The following MACROD2 variants were observed in gnomAD, a reference collection of about 807,000 sequenced individuals.
MACROD2 encodes mono-ADP ribosylhydrolase 2.
Under a neutral mutation model 70.4 loss-of-function variants are expected in MACROD2, and 36 were observed. The observed-to-expected ratio is 0.51, with a 90% CI of 0.39 to 0.68. The LOEUF (loss-of-function observed/expected upper bound fraction) is 0.68, where lower values mean the gene tolerates loss of function less well. Ranked by LOEUF, MACROD2 falls within the 30% of genes least tolerant of loss-of-function variation. The pLI, the probability that MACROD2 is intolerant of heterozygous loss-of-function variation, is 0.00. For synonymous variants in MACROD2, 172 were observed against 178.8 expected, an observed-to-expected ratio of 0.96 and a Z score of 0.30; for missense variants, 496 against 538.4, an observed-to-expected ratio of 0.92 and a Z score of 0.78.
chr20:14,709,200 G>T (rs1367727070), intron 5 of MACROD2, among the ~76,000 whole-genome samples: 1 of 151,076 alleles, frequency 6.6e-6, no homozygotes, highest in East Asian at 1.9e-4. Context: ...ATTTCTTTAG[G>T]TTTTTTATAT....
At chr20:15,246,517 T>A (rs1326216532) in intron 6 of MACROD2, among the ~76,000 whole-genome samples, 1 of 152,054 alleles carries the variant, frequency 6.6e-6, no homozygotes, top group East Asian at 1.9e-4. Context: ...TATTTTTTTT[T>A]ATTAGTGAAA....
At chr20:15,868,880 G>A (rs2064533035) in intron 9 of MACROD2, among the ~76,000 whole-genome samples, 1 of 151,858 alleles carries the variant, frequency 6.6e-6, no homozygotes, top group Non-Finnish European at 1.5e-5. Flanking sequence ...AACTTCTGGG[G>A]CTCAAGGGAT....
chr20:14,456,824 T>C (rs964807888), intron 3 of MACROD2, among the ~76,000 whole-genome samples: 4 of 150,316 alleles, frequency 2.7e-5, no homozygotes, highest in Non-Finnish European at 5.9e-5. Flanking sequence ...TCACGCCATT[T>C]TCCTGCCTCA....
intron 16 of MACROD2, among the ~76,000 whole-genome samples, chr20:16,043,348 T>C (rs746775167): frequency 6.6e-6 from 1 of 152,056 alleles, no homozygotes; most frequent in Non-Finnish European, 1.5e-5. Context: ...TCTGAGTCAA[T>C]TGCTGCAGAG....
chr20:14,463,810 G>C lies in MACROD2; in HGVS notation c.272-29669G>C, dbSNP rs1321893405. ...AGATAATCATGTGGTTTTTGTCTTT[G>C]GTTCTGTTTATATGCTGGATTACGT... On this transcript the variant is annotated intron_variant, in intron 3 of 17. Coordinates refer to ENST00000684519, the MANE Select transcript of MACROD2 (RefSeq NM_001351661.2). 4.6e-5 allele frequency among the ~76,000 whole-genome samples: 7 copies of C among 151,884 alleles called. 1 individual carries two copies. Among genetic ancestry groups the C allele is most frequent in the African/African-American group, 1.7e-4 (7 of 41,284 alleles).
intron 6 of MACROD2, among the ~76,000 whole-genome samples, chr20:15,239,895 A>G (rs1378154425): frequency 6.6e-6 from 1 of 152,164 alleles, no homozygotes; most frequent in Non-Finnish European, 1.5e-5. Context: ...TGAGGACCAT[A>G]GTTGAGGTTT....
chr20:15,594,421 G>T (rs1568917524), intron 8 of MACROD2, among the ~76,000 whole-genome samples: 1 of 152,130 alleles, frequency 6.6e-6, no homozygotes, highest in Non-Finnish European at 1.5e-5. Flanking sequence ...TCTTGTGTAT[G>T]TTCCTCACAG....
intron 8 of MACROD2, among the ~76,000 whole-genome samples, chr20:15,762,430 G>T (rs969636395): frequency 2.0e-5 from 3 of 152,096 alleles, no homozygotes; most frequent in Admixed American, 1.3e-4. Context: ...GTGGGCTCTG[G>T]TAGACAAATT....
intron 5 of MACROD2, among the ~76,000 whole-genome samples, chr20:14,919,832 T>G (rs1011643008): frequency 6.6e-6 from 1 of 152,104 alleles, no homozygotes; most frequent in Non-Finnish European, 1.5e-5. Flanking sequence ...TCAGGAGAAA[T>G]AAATAGAAAC....
intron 5 of MACROD2, among the ~76,000 whole-genome samples, chr20:14,737,887 G>GA (rs982609249): frequency 3.9e-5 from 6 of 152,208 alleles, no homozygotes; most frequent in East Asian, 1.9e-4. Flanking sequence ...CTATAGCTAG[G>GA]AAAAAAGTTT....
chr20:14,029,598 T>C lies in MACROD2; in HGVS notation c.163+27194T>C, dbSNP rs146641523. 4.0e-3 allele frequency among the ~76,000 whole-genome samples: 610 copies of C among 152,172 alleles called. 2 individuals carry two copies. Among genetic ancestry groups the C allele is most frequent in the Admixed American group, 6.0e-3 (91 of 15,268 alleles). On this transcript the variant is annotated intron_variant, in intron 2 of 17. Coordinates refer to ENST00000684519, the MANE Select transcript of MACROD2 (RefSeq NM_001351661.2). ...ATTTTAGAACAATATAAGAAAAAATTTAAAAAATTTTAATTACTTCTGAAT... is the reference window on the plus strand; with the variant it reads ...ATTTTAGAACAATATAAGAAAAAATCTAAAAAATTTTAATTACTTCTGAAT...
intron 17 of MACROD2, among the ~76,000 whole-genome samples, chr20:16,045,755 C>T (rs77746857): frequency 0.077 from 11,666 of 151,872 alleles, 629 homozygotes; most frequent in East Asian, 0.24. Context: ...AAATTCCTGC[C>T]GTAGTTAGCT....
chr20:15,551,246 T>C (rs1050642362), intron 8 of MACROD2, among the ~76,000 whole-genome samples: 6 of 151,974 alleles, frequency 3.9e-5, no homozygotes, highest in Non-Finnish European at 7.4e-5. Context: ...CAGAGTTCCC[T>C]GGCAACAGTC....
intron 5 of MACROD2, among the ~76,000 whole-genome samples, chr20:14,756,175 G>A (rs971722458): frequency 1.4e-4 from 22 of 151,976 alleles, no homozygotes; most frequent in African/African-American, 4.6e-4. Flanking sequence ...ACTAAACTCC[G>A]TGGCTTCCAT....
intron 2 of MACROD2, among the ~76,000 whole-genome samples, chr20:14,018,258 A>AT (rs533818643): frequency 7.3e-4 from 106 of 145,124 alleles, no homozygotes; most frequent in African/African-American, 9.6e-4. Context: ...GATTTCCTTT[A>AT]TTTTTTTTTT....
chr20:14,897,015 G>T (rs941308993), intron 5 of MACROD2, among the ~76,000 whole-genome samples: 3 of 152,156 alleles, frequency 2.0e-5, no homozygotes, highest in Admixed American at 2.0e-4. Flanking sequence ...GGCCCAAAAT[G>T]GACATGGTGA....
At chr20:14,573,969 GC>G (rs1980394787) in intron 4 of MACROD2, among the ~76,000 whole-genome samples, 1 of 152,122 alleles carries the variant, frequency 6.6e-6, no homozygotes, top group African/African-American at 2.4e-5. Context: ...TGAAAAGGTA[GC>G]ACCACCTTCT....
At chr20:14,368,568 C>G (rs2083294509) in intron 3 of MACROD2, among the ~76,000 whole-genome samples, 1 of 151,812 alleles carries the variant, frequency 6.6e-6, no homozygotes, top group East Asian at 1.9e-4. Context: ...ACACACAAAA[C>G]TGGGCATATA....
intron 5 of MACROD2, among the ~76,000 whole-genome samples, chr20:14,848,476 ATTT>A (rs1186080835): frequency 6.6e-6 from 1 of 151,620 alleles, no homozygotes; most frequent in Non-Finnish European, 1.5e-5. Context: ...TGCTGTTTTT[ATTT>A]AATTCTCACA....
Sources: gnomAD v4.1 joint callset for allele counts (sites outside exome capture counted in the v4.1 genomes callset) on GRCh38, gnomAD v4.1.1 for gene constraint, MANE v1.5 for transcripts, NCBI Gene and HGNC (gene_info 2026-07-23, HGNC 2026-07-21) for gene names.